RIPOR3: variants seen among roughly 807,000 people sequenced by gnomAD.
RIPOR3 encodes RIPOR family member 3, also known as family with sequence similarity 65 member C.
Under a neutral mutation model 114.3 loss-of-function variants are expected in RIPOR3, and 95 were observed. The observed-to-expected ratio is 0.83, with a 90% CI of 0.70 to 0.99. The LOEUF is 0.99. Ranked by LOEUF, RIPOR3 falls within the 50% of genes least tolerant of loss-of-function variation. The probability of loss-of-function intolerance (pLI) is 0.00; values close to 1 mark genes in which losing one functional copy is unlikely to be tolerated. For synonymous variants in RIPOR3, 575 were observed against 543.8 expected (o/e 1.06, Z -0.80); for missense variants, 1,252 against 1,266.9 (o/e 0.99, Z 0.18).
Position 50,608,639 on chromosome 20 carries a change from T to G in RIPOR3, c.784A>C (p.Thr262Pro), listed in dbSNP as rs2083819736. The change falls in exon 10 of 22, where the codon ACG (threonine) becomes CCG (proline). Residue 262 changes from threonine (T) to proline (P), a missense_variant. Coordinates refer to ENST00000327979, the MANE Select transcript of RIPOR3 (RefSeq NM_001290268.2). ...WDEEEKAFIP[T>P]LHENLDIKVT... The stretch of plus-strand genomic sequence containing the variant: ...TTGATGTCCAGGTTCTCATGCAGCG[T>G]GGGGATGAAGGCCTTCTCCTCTTCG... 1 of 1,614,000 alleles carries G rather than the reference T, an allele frequency of 6.2e-7. No individual in the cohort carries two copies. The highest frequency in any genetic ancestry group is 8.5e-7 in the Non-Finnish European group (1 of 1,179,906).
At chr20:50,681,185 A>G (rs537365353) in intron 1 of RIPOR3, among the ~76,000 whole-genome samples, 1 of 136,318 alleles carries the variant, frequency 7.3e-6, no homozygotes, top group South Asian at 2.4e-4. Context: ...AGATTGCACC[A>G]CTGCACTCCA....
chr20:50,597,755 C>T (rs1380478564), intron 13 of RIPOR3, 45 bp from the exon 14 acceptor site: 1 of 1,597,922 alleles, frequency 6.3e-7, no homozygotes, highest in Non-Finnish European at 8.5e-7. Context: ...CGGGCCCCAC[C>T]CACCCGACTG....
chr20:50,625,589 AC>A, intron 2 of RIPOR3, among the ~76,000 whole-genome samples: 1 of 151,998 alleles, frequency 6.6e-6, no homozygotes, highest in Non-Finnish European at 1.5e-5. Flanking sequence ...TCGTTTTCAC[AC>A]CCACACTTCT....
intron 15 of RIPOR3, 49 bp downstream of exon 15, chr20:50,596,091 C>T (rs752458733): frequency 6.2e-7 from 1 of 1,611,944 alleles, no homozygotes; most frequent in Non-Finnish European, 8.5e-7. Flanking sequence ...GCAAAGAGGA[C>T]TCCAAACCCC....
At position 50,601,294 on chromosome 20, in the gene RIPOR3, C is replaced by T. The variant is rs12329465; in HGVS notation, c.1659+778G>A. ...ACTAAAAATACAAAAATTAGCCAGGCGTGGTGGTGTGCACCTGTAATCCCA... is the reference window on the plus strand; with the variant it reads ...ACTAAAAATACAAAAATTAGCCAGGTGTGGTGGTGTGCACCTGTAATCCCA... On this transcript the variant is annotated intron_variant, in intron 13 of 21. Transcript: ENST00000327979. 9.7e-3 allele frequency among the ~76,000 whole-genome samples: 1,471 copies of T among 152,170 alleles called. 24 individuals carry two copies. Among genetic ancestry groups the T allele is most frequent in the African/African-American group, 0.033 (1,384 of 41,532 alleles).
chr20:50,615,439 C>T (rs1023484182), intron 4 of RIPOR3, among the ~76,000 whole-genome samples: 11 of 148,128 alleles, frequency 7.4e-5, no homozygotes, highest in Non-Finnish European at 1.2e-4. Flanking sequence ...GTAAAAGGAT[C>T]GTTTGAGCCC....
chr20:50,664,868 G>A lies in RIPOR3; in HGVS notation c.3+26258C>T, dbSNP rs539406633. Among the ~76,000 whole-genome samples, 17 of 152,264 alleles carry A rather than the reference G, an allele frequency of 1.1e-4. 1 individual carries two copies. The South Asian group carries it at 2.9e-3, about 26-fold the overall frequency. On this transcript the variant is annotated intron_variant, in intron 1 of 21. Coordinates refer to ENST00000327979, the MANE Select transcript of RIPOR3 (RefSeq NM_001290268.2). ...TGTAATCCCAACACTTTGGGAGGCC[G>A]GGGCAGGAGGATCACCTGAGGTTAG...
At chr20:50,594,948 C>T (rs1174858208) in intron 16 of RIPOR3, 2 of 535,750 alleles carry the variant, frequency 3.7e-6, no homozygotes, top group African/African-American at 1.9e-5. Flanking sequence ...CTGCTGTCAC[C>T]AGCCTCTCCT....
chr20:50,594,288 A>C (rs2083211508), intron 17 of RIPOR3, among the ~76,000 whole-genome samples: 1 of 151,662 alleles, frequency 6.6e-6, no homozygotes, highest in African/African-American at 2.4e-5. Context: ...AAAAAAAAAA[A>C]AAAAAAAATG....
intron 1 of RIPOR3, among the ~76,000 whole-genome samples, 155 bp downstream of exon 1, chr20:50,690,971 C>T (rs2087192479): frequency 6.6e-6 from 1 of 152,224 alleles, no homozygotes; most frequent in African/African-American, 2.4e-5. Flanking sequence ...ACCGCCATCC[C>T]ATCTCAGCCT....
chr20:50,654,123 A>T, intron 1 of RIPOR3: 1 of 152,062 alleles, frequency 6.6e-6, no homozygotes, highest in South Asian at 2.1e-4. Flanking sequence ...CACCCCAACT[A>T]GAAGTGCTAG....
chr20:50,600,664 G>C (rs143013539), intron 13 of RIPOR3, among the ~76,000 whole-genome samples: 5 of 152,176 alleles, frequency 3.3e-5, no homozygotes, highest in South Asian at 4.1e-4. Context: ...GGAGGCTGAG[G>C]GGGGAGGATC....
intron 1 of RIPOR3, among the ~76,000 whole-genome samples, chr20:50,682,749 C>T (rs1296097901): frequency 9.0e-5 from 13 of 144,490 alleles, no homozygotes; most frequent in African/African-American, 2.8e-4. Context: ...TTTTTTGAGA[C>T]GGAGTTTCGC....
chr20:50,683,139 C>A (rs1415204834), intron 1 of RIPOR3, among the ~76,000 whole-genome samples: 4 of 152,122 alleles, frequency 2.6e-5, no homozygotes, highest in Admixed American at 2.6e-4. Context: ...TGAATTGTAC[C>A]CTTAAAATGG....
chr20:50,652,180 A>G (rs2085634603), intron 1 of RIPOR3, among the ~76,000 whole-genome samples: 1 of 152,196 alleles, frequency 6.6e-6, no homozygotes, highest in Non-Finnish European at 1.5e-5. Context: ...CCCTGGGCCC[A>G]GGAAAAGGGT....
intron 1 of RIPOR3, among the ~76,000 whole-genome samples, chr20:50,633,666 G>A (rs11904882): frequency 0.039 from 5,891 of 152,254 alleles, 396 homozygotes; most frequent in African/African-American, 0.14. Context: ...CTTCTGGGCC[G>A]TTCCTGGAGC....
rs2083523024 is a variant in RIPOR3 at position 50,602,200 on chromosome 20, C to T, written c.1531G>A (p.Asp511Asn). The stretch of plus-strand genomic sequence containing the variant: ...CCCTCGAGGGCCACGCCAGGCCCGT[C>T]CTCTCTGTCCCCGGTTGCCCCTTCC... ...HEEGATGDRE[D>N]GPGVALEGPL... Residue 511 changes from aspartate (D) to asparagine (N), a missense_variant, in exon 13 of 22, where the codon GAC becomes AAC. Transcript: ENST00000327979. The surrounding 1 kb of genome is among the most constrained non-coding windows in gnomAD (Gnocchi z 4.3). 1 of 1,613,700 alleles carries T rather than the reference C, an allele frequency of 6.2e-7. No individual in the cohort carries two copies. Among genetic ancestry groups the T allele is most frequent in the Non-Finnish European group, 8.5e-7 (1 of 1,179,932 alleles).
At chr20:50,618,742 G>A (rs1283983209) in intron 3 of RIPOR3, among the ~76,000 whole-genome samples, 1 of 152,130 alleles carries the variant, frequency 6.6e-6, no homozygotes, top group South Asian at 2.1e-4. Flanking sequence ...TGTGTGTTTA[G>A]TTTACTTCTG....
chr20:50,663,931 T>C (rs2086097823), intron 1 of RIPOR3, among the ~76,000 whole-genome samples: 1 of 151,104 alleles, frequency 6.6e-6, no homozygotes, highest in Non-Finnish European at 1.5e-5. Flanking sequence ...CTCTCTTTTT[T>C]TTTTTTTTTT....
Sources: allele counts gnomAD v4.1 joint callset (sites outside exome capture counted in the v4.1 genomes callset), GRCh38; gene constraint gnomAD v4.1.1; non-coding constraint Gnocchi (gnomAD v3.1); transcripts MANE v1.5; gene names NCBI Gene and HGNC (gene_info 2026-07-23, HGNC 2026-07-21).